Variants in PTPRD observed in about 807,000 individuals in gnomAD.
PTPRD encodes the protein protein tyrosine phosphatase receptor type D.
PTPRD carries 34 observed loss-of-function variants against 214.5 expected under a neutral mutation model. The ratio of observed to expected loss-of-function variants is 0.16; its 90% CI spans 0.12 to 0.21. PTPRD has a LOEUF of 0.21. PTPRD is among the 10% of genes least tolerant of loss of function. The pLI is 1.00. For synonymous variants in PTPRD, 1,128 were observed against 845.7 expected (o/e 1.33, Z -5.79); for missense variants, 2,545 against 2,398.7 (o/e 1.06, Z -1.27).
intron 3 of PTPRD, among the ~76,000 whole-genome samples, chr9:10,105,129 C>A (rs1475121229): frequency 3.3e-5 from 5 of 151,722 alleles, no homozygotes; most frequent in Non-Finnish European, 5.9e-5. Context: ...GGAATGAGGA[C>A]TCTTTGAGGA....
chr9:10,428,143 C>A (rs867868234), intron 2 of PTPRD, among the ~76,000 whole-genome samples: 7 of 151,904 alleles, frequency 4.6e-5, no homozygotes, highest in East Asian at 2.0e-4. Flanking sequence ...GGTGAAACCC[C>A]ATCTCTACTA....
rs2130261553 is a variant in PTPRD at position 8,316,448 on chromosome 9, G to T, written c.*1426C>A. 1 of 230,832 alleles carries T rather than the reference G, an allele frequency of 4.3e-6. No homozygotes were observed. Among genetic ancestry groups the T allele is most frequent in the South Asian group, 1.8e-4 (1 of 5,502 alleles). The allele number at this position is 230,832 out of a possible 1,614,324, so 14.3% of individuals were successfully genotyped here. ...TGACTGAACAGAGTAACATGAATTT[G>T]GCTTTGCCCCTGTTACATATCATAA... On this transcript the variant is annotated 3_prime_UTR_variant, in exon 46 of 46. Coordinates refer to ENST00000381196, the MANE Select transcript of PTPRD (RefSeq NM_002839.4).
intron 8 of PTPRD, among the ~76,000 whole-genome samples, chr9:9,416,804 C>A (rs1051777318): frequency 6.6e-6 from 1 of 152,174 alleles, no homozygotes; most frequent in Non-Finnish European, 1.5e-5. Context: ...TGGTGACTAG[C>A]AGAATAAAGC....
chr9:10,332,557 A>C (rs2096770709), intron 3 of PTPRD, among the ~76,000 whole-genome samples: 1 of 151,800 alleles, frequency 6.6e-6, no homozygotes, highest in Admixed American at 6.6e-5. Flanking sequence ...ATATTGAGGG[A>C]ATTCACATAG....
intron 20 of PTPRD, among the ~76,000 whole-genome samples, chr9:8,519,141 T>A (rs748772369): frequency 6.6e-6 from 1 of 152,196 alleles, no homozygotes. Context: ...GCTTTATTCT[T>A]AATATTTAAA....
chr9:9,237,695 T>C (rs1356335475), intron 9 of PTPRD, among the ~76,000 whole-genome samples: 1 of 152,142 alleles, frequency 6.6e-6, no homozygotes, highest in Admixed American at 6.5e-5. Context: ...ATCTTCAGAC[T>C]ATAAATTTTT....
chr9:8,640,027 C>G (rs2096538547), intron 12 of PTPRD, among the ~76,000 whole-genome samples: 1 of 152,130 alleles, frequency 6.6e-6, no homozygotes, highest in African/African-American at 2.4e-5. Context: ...ACCTCCCAGG[C>G]TCAGTCAGTC....
chr9:8,792,614 G>A (rs1048867071), intron 11 of PTPRD, among the ~76,000 whole-genome samples: 2 of 152,144 alleles, frequency 1.3e-5, no homozygotes, highest in East Asian at 3.9e-4. Flanking sequence ...AGAGGGGCTT[G>A]TCATAGCCTT....
intron 7 of PTPRD, among the ~76,000 whole-genome samples, chr9:9,703,015 C>A (rs758230488): frequency 2.6e-5 from 4 of 152,152 alleles, no homozygotes; most frequent in Admixed American, 6.6e-5. Context: ...TCTGTGTCCC[C>A]ACCCAAATCT....
intron 39 of PTPRD, among the ~76,000 whole-genome samples, chr9:8,344,084 G>C (rs1022984239): frequency 1.3e-5 from 2 of 152,062 alleles, no homozygotes; most frequent in East Asian, 3.9e-4. Context: ...ACCTGGAAAA[G>C]ATTTGTCTTT....
chr9:9,027,168 C>T lies in PTPRD; in HGVS notation c.-142-8433G>A, dbSNP rs541364553. On this transcript the variant is annotated intron_variant, in intron 10 of 45. Transcript: ENST00000381196. ...GAATTTTGTCCAGCTCATTTACTAC[C>T]TTCCCTCTCTGTTTTTCCAGGTGGA... Among the ~76,000 whole-genome samples, 20 of 151,838 alleles carry T rather than the reference C, an allele frequency of 1.3e-4. No homozygotes were observed. In the South Asian group the frequency reaches 4.1e-3, roughly 31 times the overall value.
intron 9 of PTPRD, among the ~76,000 whole-genome samples, chr9:9,357,742 G>A (rs1004459795): frequency 5.3e-5 from 8 of 150,754 alleles, no homozygotes; most frequent in Non-Finnish European, 7.4e-5. Context: ...CAGTTAAGAG[G>A]GCAATAGTGC....
intron 2 of PTPRD, among the ~76,000 whole-genome samples, chr9:10,545,077 C>A (rs935545151): frequency 6.6e-6 from 1 of 152,232 alleles, no homozygotes; most frequent in East Asian, 1.9e-4. Flanking sequence ...ACGTATTTTA[C>A]TGTTCCACTT....
intron 2 of PTPRD, among the ~76,000 whole-genome samples, chr9:10,515,358 T>C (rs1443564074): frequency 1.3e-5 from 2 of 152,118 alleles, no homozygotes; most frequent in East Asian, 3.9e-4. Flanking sequence ...AAAGCCTTTG[T>C]GGTCCACAAT....
chr9:8,627,912 T>G (rs2096098855), intron 14 of PTPRD, among the ~76,000 whole-genome samples: 1 of 151,890 alleles, frequency 6.6e-6, no homozygotes, highest in South Asian at 2.1e-4. Flanking sequence ...CTACCACCTT[T>G]TCCCAGCATG....
intron 6 of PTPRD, among the ~76,000 whole-genome samples, chr9:9,765,999 C>G (rs1239410201): frequency 6.6e-6 from 1 of 152,150 alleles, no homozygotes; most frequent in Non-Finnish European, 1.5e-5. Flanking sequence ...CAATTTTTCT[C>G]TTGTTAATTT....
rs140647980 is a variant in PTPRD, at chr9:9,101,949, T to A, written c.-143+81355A>T. 8.1e-3 allele frequency among the ~76,000 whole-genome samples: 1,228 copies of A among 152,342 alleles called. 7 individuals are homozygous for A. The highest frequency in any genetic ancestry group is 0.015 in the Non-Finnish European group (997 of 68,032). On this transcript the variant is annotated intron_variant, in intron 10 of 45. Coordinates refer to ENST00000381196, the MANE Select transcript of PTPRD (RefSeq NM_002839.4). ...GAAGTAAATAATGATACCTCTTGGC[T>A]ATATTTGCATGGAATTTAAAAAACA...
chr9:9,033,853 C>G (rs1322116032), intron 10 of PTPRD, among the ~76,000 whole-genome samples: 1 of 152,072 alleles, frequency 6.6e-6, no homozygotes, highest in Non-Finnish European at 1.5e-5. Context: ...ACCTGATTTT[C>G]TAAATTGCCT....
At chr9:10,393,024 T>C (rs746924807) in intron 2 of PTPRD, among the ~76,000 whole-genome samples, 2 of 151,764 alleles carry the variant, frequency 1.3e-5, no homozygotes, top group Non-Finnish European at 2.9e-5. Context: ...TTGTGAGCCA[T>C]ATTCTAGCTG....
Sources: gnomAD v4.1 joint callset for allele counts (sites outside exome capture counted in the v4.1 genomes callset) on GRCh38, gnomAD v4.1.1 for gene constraint, MANE v1.5 for transcripts, NCBI Gene and HGNC (gene_info 2026-07-23, HGNC 2026-07-21) for gene names.